The following FGFR2 variants were observed in gnomAD, a reference collection of about 807,000 sequenced individuals.
FGFR2 encodes the protein BEK fibroblast growth factor receptor.
In FGFR2, 19 loss-of-function variants were observed where a neutral mutation model predicts 95.9. The observed-to-expected ratio is 0.20, with a 90% CI of 0.14 to 0.29. FGFR2 has a LOEUF of 0.29. Among genes scored for constraint, FGFR2 ranks in the 10% least tolerant of loss-of-function variants. FGFR2 has a pLI of 1.00. For missense variants in FGFR2, 707 were observed against 1,056.9 expected (o/e 0.67, Z 4.59); for synonymous variants, 392 against 393.3 (o/e 1.00, Z 0.04).
intron 4 of FGFR2, among the ~76,000 whole-genome samples, chr10:121,554,273 C>G (rs889207586): frequency 6.6e-6 from 1 of 152,072 alleles, no homozygotes; most frequent in African/African-American, 2.4e-5. Context: ...CACACAGCCT[C>G]TCTTTAAATA....
At chr10:121,516,363 G>GT (rs1849711314) in intron 8 of FGFR2, among the ~76,000 whole-genome samples, 1 of 152,216 alleles carries the variant, frequency 6.6e-6, no homozygotes, top group Admixed American at 6.5e-5. Context: ...GGATGCAATG[G>GT]TATTATTGAA....
intron 2 of FGFR2, among the ~76,000 whole-genome samples, chr10:121,586,043 CATACACACACCATAG>C (rs1226582480): frequency 2.6e-5 from 4 of 152,196 alleles, no homozygotes; most frequent in Non-Finnish European, 5.9e-5. Flanking sequence ...CCCCTGAGCA[CATACACACACCATAG>C]ATACACACAG....
chr10:121,480,105 C>T (rs767802940), intron 17 of FGFR2, 84 bp from the exon 18 acceptor site: 152 of 1,298,808 alleles, frequency 1.2e-4, no homozygotes, highest in Non-Finnish European at 1.6e-4. Context: ...GACTGAGGTC[C>T]AAGTATTCCT....
rs551141442 is a variant in FGFR2, at chr10:121,509,676, T to G, written c.1287+5441A>C. On this transcript the variant is annotated intron_variant, in intron 9 of 17. Coordinates refer to ENST00000358487, the MANE Select transcript of FGFR2 (RefSeq NM_000141.5). ...TTTTGTATTTTTAGTAGACACATGGTTTCATCACGCTGGTCAGGCTGGTCT... is the reference window on the plus strand; with the variant it reads ...TTTTGTATTTTTAGTAGACACATGGGTTCATCACGCTGGTCAGGCTGGTCT... Among the ~76,000 whole-genome samples, 244 of 151,922 alleles carry G rather than the reference T, an allele frequency of 1.6e-3. 1 individual carries two copies. Among genetic ancestry groups the G allele is most frequent in the African/African-American group, 5.8e-3 (239 of 41,402 alleles).
At chr10:121,528,451 T>G (rs1162806883) in intron 6 of FGFR2, among the ~76,000 whole-genome samples, 2 of 152,194 alleles carry the variant, frequency 1.3e-5, no homozygotes, top group African/African-American at 4.8e-5. Flanking sequence ...TAGAGGGATG[T>G]CCATTGTAAA....
Position 121,593,721 on chromosome 10 carries a change from A to C in FGFR2, c.97T>G (p.Leu33Val). Residue 33 changes from leucine to valine, a missense_variant, in exon 2 of 18, where the codon TTA (leucine) becomes GTA (valine). Coordinates refer to ENST00000358487, the MANE Select transcript of FGFR2 (RefSeq NM_000141.5). Reference protein sequence around the residue: ...PSFSLVEDTTLEPEEPPTKYQ... With the variant: ...PSFSLVEDTTVEPEEPPTKYQ... Reference sequence around the variant, plus strand: ...TTAAATGACTTACCTTCTGGCTCTAATGTGGTATCCTCAACTAAACTGAAG... The same window carrying C: ...TTAAATGACTTACCTTCTGGCTCTACTGTGGTATCCTCAACTAAACTGAAG... 2 of 1,613,984 alleles carry C rather than the reference A, an allele frequency of 1.2e-6. No homozygotes were observed. The highest frequency in any genetic ancestry group is 1.7e-6 in the Non-Finnish European group (2 of 1,179,868).
chr10:121,581,885 T>C (rs867612487), intron 2 of FGFR2, among the ~76,000 whole-genome samples: 4 of 151,874 alleles, frequency 2.6e-5, no homozygotes, highest in Non-Finnish European at 5.9e-5. Flanking sequence ...AATCTTCACC[T>C]TTGACTGGAC....
intron 2 of FGFR2, among the ~76,000 whole-genome samples, chr10:121,585,529 C>T (rs914739764): frequency 5.3e-5 from 8 of 152,124 alleles, no homozygotes; most frequent in African/African-American, 1.9e-4. Flanking sequence ...GCACATTCAC[C>T]CTTCAAGATA....
At chr10:121,541,602 T>C (rs763559297) in intron 5 of FGFR2, among the ~76,000 whole-genome samples, 2 of 152,228 alleles carry the variant, frequency 1.3e-5, no homozygotes, top group Non-Finnish European at 2.9e-5. Flanking sequence ...CAAATGCACA[T>C]ACACCGTCTT....
At chr10:121,520,194 G>A (rs776173431) in intron 6 of FGFR2, 25 bp from the exon 7 acceptor site, 1 of 1,605,822 alleles carries the variant, frequency 6.2e-7, no homozygotes, top group Non-Finnish European at 8.5e-7. Context: ...GAAGAAAGGA[G>A]GAGTGGGGAT....
chr10:121,507,623 G>A (rs1848501099), intron 9 of FGFR2, among the ~76,000 whole-genome samples: 1 of 152,100 alleles, frequency 6.6e-6, no homozygotes, highest in Non-Finnish European at 1.5e-5. Context: ...AGGTCCAACT[G>A]CACAGCATTA....
rs113014479 is a variant in FGFR2, at chr10:121,487,421, G to A, written c.1990C>T (p.Arg664Trp). 6.2e-7 allele frequency: 1 copy of A among 1,613,788 alleles called. No homozygotes were observed. Among genetic ancestry groups the A allele is most frequent in the Non-Finnish European group, 8.5e-7 (1 of 1,179,744 alleles). Reference protein sequence around the residue: ...IDYYKKTTNGRLPVKWMAPEA... With the variant: ...IDYYKKTTNGWLPVKWMAPEA... ...GGAGCCATCCACTTGACTGGAAGCCGCCCCTGCAAATGTAGAGGAAAATGC... is the reference window on the plus strand; with the variant it reads ...GGAGCCATCCACTTGACTGGAAGCCACCCCTGCAAATGTAGAGGAAAATGC... The change falls in exon 15 of 18, where the codon CGG becomes TGG. Residue 664 changes from arginine (R) to tryptophan (W), a missense_variant. This residue lies in a region of FGFR2 where 104 missense variants were observed against 214.2 expected (regional missense o/e 0.49). Coordinates refer to ENST00000358487, the MANE Select transcript of FGFR2 (RefSeq NM_000141.5).
intron 6 of FGFR2, among the ~76,000 whole-genome samples, chr10:121,534,159 C>G (rs1852486456): frequency 7.5e-6 from 1 of 133,098 alleles, no homozygotes; most frequent in Admixed American, 9.0e-5. Flanking sequence ...AGTGCAATGG[C>G]ACAATCTCAG....
intron 14 of FGFR2, 83 bp from the exon 15 acceptor site, chr10:121,487,507 T>C: frequency 1.8e-6 from 2 of 1,127,770 alleles, no homozygotes; most frequent in Non-Finnish European, 2.6e-6. Context: ...ATGCCCTGTT[T>C]AAGAGCTGAT....
intron 6 of FGFR2, among the ~76,000 whole-genome samples, chr10:121,520,538 A>G (rs983255605): frequency 1.3e-5 from 2 of 152,232 alleles, no homozygotes; most frequent in Non-Finnish European, 2.9e-5. Flanking sequence ...TAATCTCAAA[A>G]ACTCACCTCA....
intron 6 of FGFR2, chr10:121,526,217 G>C: frequency 2.5e-6 from 1 of 398,614 alleles, no homozygotes; most frequent in Non-Finnish European, 4.4e-6. Context: ...AGAACATTCT[G>C]CGATTTGGAG....
intron 17 of FGFR2, chr10:121,481,760 A>T (rs2133722580): frequency 4.4e-6 from 1 of 226,536 alleles, no homozygotes; most frequent in African/African-American, 2.2e-5. Flanking sequence ...AAATATATAA[A>T]TAAATCACTT....
At chr10:121,502,882 CTAGAG>C (rs1847780757) in intron 10 of FGFR2, among the ~76,000 whole-genome samples, 1 of 152,146 alleles carries the variant, frequency 6.6e-6, no homozygotes, top group Admixed American at 6.5e-5. Context: ...CGGTCCCTGC[CTAGAG>C]GACGAGGGCT....
intron 1 of FGFR2, among the ~76,000 whole-genome samples, chr10:121,595,966 C>G (rs1282602469): frequency 1.3e-5 from 2 of 152,252 alleles, no homozygotes; most frequent in Non-Finnish European, 2.9e-5. Context: ...CAGGTCTGCA[C>G]AGTTCCTCAC....
Sources: allele counts gnomAD v4.1 joint callset (sites outside exome capture counted in the v4.1 genomes callset), GRCh38; gene constraint gnomAD v4.1.1; regional missense constraint gnomAD v4.1.1; transcripts MANE v1.5; gene names NCBI Gene and HGNC (gene_info 2026-07-23, HGNC 2026-07-21).